Variants in CCDC82 observed in about 807,000 individuals in gnomAD.
CCDC82 encodes the protein coiled-coil domain containing 82.
CCDC82 carries 47 observed loss-of-function variants against 60.6 expected under a neutral mutation model. The ratio of observed to expected loss-of-function variants is 0.77; its 90% CI spans 0.61 to 0.99. The LOEUF (loss-of-function observed/expected upper bound fraction) is 0.99, where lower values mean the gene tolerates loss of function less well. CCDC82 is among the 50% of genes least tolerant of loss of function. The pLI, the probability that CCDC82 is intolerant of heterozygous loss-of-function variation, is 0.00. For synonymous variants in CCDC82, 212 were observed against 207.4 expected, an observed-to-expected ratio of 1.02 and a Z score of -0.19; for missense variants, 588 against 633.0, an observed-to-expected ratio of 0.93 and a Z score of 0.76.
At chr11:96,384,974 C>T (rs1006638535) in intron 3 of CCDC82, 10 of 419,172 alleles carry the variant, frequency 2.4e-5, no homozygotes, top group African/African-American at 8.2e-5. Context: ...CTCTGAATTA[C>T]GTTGTATGTT....
chr11:96,382,279 A>G (rs1865913889), intron 5 of CCDC82: 2 of 151,856 alleles, frequency 1.3e-5, no homozygotes, highest in South Asian at 4.1e-4. Context: ...AGAACAAAGT[A>G]AGCCTGTCAG....
intron 9 of CCDC82, chr11:96,357,119 C>G: frequency 1.1e-5 from 11 of 985,364 alleles, no homozygotes; most frequent in Non-Finnish European, 1.3e-5. Flanking sequence ...CAAAGGCACA[C>G]AGTGAGAGGG....
rs752342272 is a variant in CCDC82 at position 96,353,548 on chromosome 11, T to A, written c.*98A>T. 1 of 924,936 alleles carries A rather than the reference T, an allele frequency of 1.1e-6. No homozygotes were observed. The highest frequency in any genetic ancestry group is 2.4e-5 in the East Asian group (1 of 41,150). The allele number at this position is 924,936 out of a possible 1,614,324, so 57.3% of individuals were successfully genotyped here. ...AACAAAATATTTTGCCATGAAGATA[T>A]AGATAAAATGTACAAACATGTCACA... On this transcript the variant is annotated 3_prime_UTR_variant, in exon 10 of 10. Transcript: ENST00000646818.
intron 9 of CCDC82, 126 bp from the exon 10 acceptor site, chr11:96,353,840 T>A (rs1203812421): frequency 3.2e-6 from 2 of 617,930 alleles, no homozygotes; most frequent in Non-Finnish European, 5.7e-6. Context: ...AATCTTTTTA[T>A]GATAAACAGG....
intron 5 of CCDC82, among the ~76,000 whole-genome samples, chr11:96,376,773 G>T (rs1481484053): frequency 6.6e-6 from 1 of 152,082 alleles, no homozygotes; most frequent in African/African-American, 2.4e-5. Context: ...TTTTGGTTGC[G>T]ATTGTAGATG....
chr11:96,381,950 TACC>T (rs1466329164), intron 5 of CCDC82: 1 of 151,884 alleles, frequency 6.6e-6, no homozygotes, highest in Non-Finnish European at 1.5e-5. Flanking sequence ...TTACTGTCAT[TACC>T]ACTATGCACT....
chr11:96,383,075 G>A, intron 5 of CCDC82, 194 bp downstream of exon 5: 1 of 550,408 alleles, frequency 1.8e-6, no homozygotes, highest in South Asian at 2.5e-5. Context: ...AAGGCGTGTT[G>A]GGGTTAATAA....
chr11:96,358,137 T>C (rs1331429123), intron 9 of CCDC82: 1 of 986,418 alleles, frequency 1.0e-6, no homozygotes, highest in Non-Finnish European at 1.2e-6. Flanking sequence ...CAAATTTCCC[T>C]ATGATATAGT....
intron 5 of CCDC82, chr11:96,381,857 TTGATGATG>T (rs1865892754): frequency 6.6e-6 from 1 of 151,864 alleles, no homozygotes; most frequent in Non-Finnish European, 1.5e-5. Flanking sequence ...GACATTTTCA[TTGATGATG>T]TAAAAGCAGT....
chr11:96,373,442 A>G lies in CCDC82; in HGVS notation c.1017T>C (p.His339=). The part of the protein sequence containing the change: ...SLYSFSDHYT[H]FERVVKALLI... The stretch of plus-strand genomic sequence containing the variant: ...GAAGAGCCTTCACAACTCTTTCAAA[A>G]TGAGTATAGTGGTCACTAAAAGAAT... Residue 339 remains histidine, a synonymous_variant, in exon 6 of 10, where the codon CAT becomes CAC. Coordinates refer to ENST00000646818, the MANE Select transcript of CCDC82 (RefSeq NM_024725.4). 2 of 1,606,288 alleles carry G rather than the reference A, an allele frequency of 1.2e-6. No homozygotes were observed. Among genetic ancestry groups the G allele is most frequent in the Non-Finnish European group, 1.7e-6 (2 of 1,174,060 alleles).
At chr11:96,378,899 G>A (rs1033642259) in intron 5 of CCDC82, among the ~76,000 whole-genome samples, 2 of 151,966 alleles carry the variant, frequency 1.3e-5, no homozygotes, top group East Asian at 1.9e-4. Context: ...TAGCAAGAGG[G>A]AAACTACCCT....
At chr11:96,354,072 G>A in intron 9 of CCDC82, 1 of 169,472 alleles carries the variant, frequency 5.9e-6, no homozygotes, top group Non-Finnish European at 1.3e-5. Flanking sequence ...GACTGTCTAG[G>A]TACAGTGTTT....
intron 5 of CCDC82, chr11:96,381,432 G>T (rs895318063): frequency 6.6e-6 from 1 of 151,548 alleles, no homozygotes; most frequent in African/African-American, 2.4e-5. Flanking sequence ...TAAATCATGA[G>T]ATATAAATCA....
chr11:96,362,830 T>C (rs958811808), intron 8 of CCDC82, among the ~76,000 whole-genome samples: 19 of 152,202 alleles, frequency 1.2e-4, no homozygotes, highest in Non-Finnish European at 2.4e-4. Flanking sequence ...TCCTTAAAAG[T>C]ATTATTTGCA....
At chr11:96,384,976 T>C (rs1753226516) in intron 3 of CCDC82, 2 of 413,242 alleles carry the variant, frequency 4.8e-6, no homozygotes, top group Non-Finnish European at 8.5e-6. Flanking sequence ...CTGAATTACG[T>C]TGTATGTTGT....
Position 96,384,493 on chromosome 11 carries a change from G to T in CCDC82, c.255C>A (p.Leu85=). 1 of 1,613,630 alleles carries T rather than the reference G, an allele frequency of 6.2e-7. No individual in the cohort carries two copies. Among genetic ancestry groups the T allele is most frequent in the Non-Finnish European group, 8.5e-7 (1 of 1,179,762 alleles). Reference sequence around the variant, plus strand: ...CTTCACTTTGAATTTTACTTAAGTTGAGCTCTCTTTCACTTCCTGGTGTTT... The same window carrying T: ...CTTCACTTTGAATTTTACTTAAGTTTAGCTCTCTTTCACTTCCTGGTGTTT... The part of the protein sequence containing the change: ...CNKTPGSERE[L]NLSKIQSEGN... Residue 85 remains leucine, a synonymous_variant, in exon 4 of 10, where the codon CTC becomes CTA. Coordinates refer to ENST00000646818, the MANE Select transcript of CCDC82 (RefSeq NM_024725.4).
intron 1 of CCDC82, chr11:96,388,734 A>C (rs571642691): frequency 6.6e-6 from 1 of 152,346 alleles, no homozygotes; most frequent in Admixed American, 6.5e-5. Flanking sequence ...AACACTTTAC[A>C]GATTTGAAAG....
chr11:96,358,262 T>C (rs1045741372), intron 9 of CCDC82: 11 of 1,088,232 alleles, frequency 1.0e-5, no homozygotes, highest in Non-Finnish European at 1.2e-5. Context: ...GTAACTAGAC[T>C]TGTTTTAGAA....
chr11:96,361,157 A>T (rs1864642549), intron 8 of CCDC82, among the ~76,000 whole-genome samples: 1 of 152,196 alleles, frequency 6.6e-6, no homozygotes, highest in Non-Finnish European at 1.5e-5. Context: ...GTGTGTCTCC[A>T]TTTCTGCCAT....
Sources: gnomAD v4.1 joint callset for allele counts (sites outside exome capture counted in the v4.1 genomes callset) on GRCh38, gnomAD v4.1.1 for gene constraint, MANE v1.5 for transcripts, NCBI Gene and HGNC (gene_info 2026-07-23, HGNC 2026-07-21) for gene names.